Variants in HYDIN observed in about 807,000 individuals in gnomAD.
HYDIN encodes the protein HYDIN axonemal central pair apparatus protein.
In HYDIN, 132 loss-of-function variants were observed where a neutral mutation model predicts 403.9. The ratio of observed to expected loss-of-function variants is 0.33; its 90% CI spans 0.28 to 0.38. The LOEUF (loss-of-function observed/expected upper bound fraction) is 0.38. Ranked by LOEUF, HYDIN falls within the 10% of genes least tolerant of loss-of-function variation. The pLI is 1.00. For synonymous variants in HYDIN, 1,202 were observed against 1,891.7 expected, an observed-to-expected ratio of 0.64 and a Z score of 9.46; for missense variants, 2,827 against 5,009.5, an observed-to-expected ratio of 0.56 and a Z score of 13.15.
intron 12 of HYDIN, among the ~76,000 whole-genome samples, chr16:71,085,165 G>A (rs1374775726): frequency 1.5e-4 from 13 of 89,028 alleles, no homozygotes; most frequent in African/African-American, 6.0e-4. Flanking sequence ...AAGAGTTTGT[G>A]AAAGATTTAT....
chr16:70,982,450 A>T (rs1157947624), intron 28 of HYDIN, among the ~76,000 whole-genome samples: 3 of 150,432 alleles, frequency 2.0e-5, no homozygotes, highest in Non-Finnish European at 2.9e-5. Context: ...AGAAATGCCC[A>T]TTTATTTATT....
chr16:71,212,013 T>C (rs2088618366), intron 1 of HYDIN, among the ~76,000 whole-genome samples: 1 of 151,688 alleles, frequency 6.6e-6, no homozygotes, highest in South Asian at 2.1e-4. Context: ...AAAACAAAAA[T>C]CAACAACAAT....
chr16:70,874,847 T>C lies in HYDIN; in HGVS notation c.10630A>G (p.Ile3544Val), dbSNP rs757684545. 8 of 1,613,722 alleles carry C rather than the reference T, an allele frequency of 5.0e-6. No individual in the cohort carries two copies. Among genetic ancestry groups the C allele is most frequent in the Non-Finnish European group, 6.8e-6 (8 of 1,179,874 alleles). The change falls in exon 63 of 86, where the codon ATC becomes GTC. Residue 3544 changes from isoleucine (I) to valine (V), a missense_variant. Coordinates refer to ENST00000393567, the MANE Select transcript of HYDIN (RefSeq NM_001270974.2). ...KGRPTTAYIY[I>V]TEENKPHVKA... ...ACATGTGGTTTATTTTCCTCTGTGA[T>C]GTAGATATACGCGGTGGTGGGCCTC...
At position 70,981,452 on chromosome 16, in the gene HYDIN, G is replaced by A. The variant is rs1378393498; in HGVS notation, c.4449C>T (p.Ile1483=). 1.2e-6 allele frequency: 2 copies of A among 1,613,916 alleles called. No homozygotes were observed. The highest frequency in any genetic ancestry group is 4.5e-5 in the East Asian group (2 of 44,866). ...GAAAGATTCCCTCTCCGCTCAGAGT[G>A]ATATTTTCTGGGTCCAGGTGGGCGA... ...IQIAHLDPEN[I]TLSGEGIFPQ... is the part of the protein sequence containing the mutation. The change falls in exon 29 of 86, where the codon ATC becomes ATT. Residue 1483 remains isoleucine (I), a synonymous_variant. Transcript: ENST00000393567.
intron 52 of HYDIN, among the ~76,000 whole-genome samples, chr16:70,902,821 A>ATATATATATTTTTT: frequency 1.5e-4 from 7 of 47,312 alleles, no homozygotes; most frequent in African/African-American, 7.0e-4. Flanking sequence ...ATATATATAT[A>ATATATATATTTTTT]TTTTTTTTTT....
chr16:71,137,071 A>T (rs1219717001), intron 8 of HYDIN, 80 bp downstream of exon 8: 15 of 991,712 alleles, frequency 1.5e-5, no homozygotes, highest in Non-Finnish European at 2.3e-5. Context: ...GTAGTACAAA[A>T]TTCACTAATT....
At chr16:71,039,358 C>A (rs1340548023) in intron 18 of HYDIN, among the ~76,000 whole-genome samples, 1 of 152,148 alleles carries the variant, frequency 6.6e-6, no homozygotes, top group East Asian at 1.9e-4. Flanking sequence ...GGTACCCTCC[C>A]CAGTCTACAC....
At position 71,067,280 on chromosome 16, in the gene HYDIN, G is replaced by A; in HGVS notation, c.2075+10C>T. ...GCGACTCAGGAGAAGAGCAAGCTGG[G>A]GAGCAATACCTTGCTGTAATTAAGA... On this transcript the variant is annotated intron_variant, in intron 15 of 85. Coordinates refer to ENST00000393567, the MANE Select transcript of HYDIN (RefSeq NM_001270974.2). The A allele has an allele frequency of 5.1e-6, 8 of 1,582,928 alleles. No individual in the cohort carries two copies. The highest frequency in any genetic ancestry group is 6.9e-6 in the Non-Finnish European group (8 of 1,155,484).
chr16:70,907,688 TC>T (rs1270275357), intron 49 of HYDIN, among the ~76,000 whole-genome samples, 197 bp from the exon 50 acceptor site: 1 of 151,414 alleles, frequency 6.6e-6, no homozygotes, highest in East Asian at 1.9e-4. Flanking sequence ...AAAAAAAGAC[TC>T]CCAGTGGTGT....
chr16:70,842,093 T>C (rs1247887090), intron 75 of HYDIN, among the ~76,000 whole-genome samples: 2 of 150,832 alleles, frequency 1.3e-5, no homozygotes, highest in Non-Finnish European at 2.9e-5. Flanking sequence ...TTGAGGTATG[T>C]TTTATGGCCT....
At chr16:71,213,045 GA>G (rs1338979049) in intron 1 of HYDIN, among the ~76,000 whole-genome samples, 1 of 152,116 alleles carries the variant, frequency 6.6e-6, no homozygotes, top group Non-Finnish European at 1.5e-5. Context: ...CAAATGTAGT[GA>G]AAGGAAAAAC....
chr16:70,831,611 G>T (rs1176690005), intron 80 of HYDIN, among the ~76,000 whole-genome samples: 2 of 140,704 alleles, frequency 1.4e-5, no homozygotes, highest in African/African-American at 5.4e-5. Flanking sequence ...AGAGTGGTGT[G>T]CTGGAGCCAA....
rs139652714 is a variant in HYDIN, at chr16:70,995,212, T to G, written c.3645-3002A>C. 2.6e-5 allele frequency among the ~76,000 whole-genome samples: 4 copies of G among 152,336 alleles called. No homozygotes were observed. The East Asian group carries it at 7.7e-4, about 29-fold the overall frequency. ...TATTGAAATAGAACGCTGGTAGAGT[T>G]TTTTTGGATCAGATTTCCTTTTACC... On this transcript the variant is annotated intron_variant, in intron 23 of 85. Transcript: ENST00000393567.
intron 20 of HYDIN, among the ~76,000 whole-genome samples, chr16:71,026,711 G>A (rs1023354485): frequency 1.3e-5 from 2 of 152,196 alleles, no homozygotes; most frequent in East Asian, 1.9e-4. Flanking sequence ...CTGAGGATGC[G>A]TTTTACCTGA....
At chr16:71,005,637 A>G (rs1210514174) in intron 23 of HYDIN, among the ~76,000 whole-genome samples, 1 of 152,198 alleles carries the variant, frequency 6.6e-6, no homozygotes, top group Non-Finnish European at 1.5e-5. Flanking sequence ...AAATTTCAAC[A>G]TTGCTTTGTG....
intron 41 of HYDIN, among the ~76,000 whole-genome samples, chr16:70,947,738 C>A (rs895571386): frequency 2.6e-5 from 4 of 152,162 alleles, no homozygotes; most frequent in Non-Finnish European, 4.4e-5. Context: ...ACCTAGGAAT[C>A]CACCTTACAA....
At chr16:71,058,901 C>A (rs1434751786) in intron 18 of HYDIN, among the ~76,000 whole-genome samples, 1 of 152,020 alleles carries the variant, frequency 6.6e-6, no homozygotes, top group Admixed American at 6.6e-5. Context: ...GGATGAAGAT[C>A]TTTATGATGA....
rs748736751 is a variant in HYDIN, at chr16:70,832,884, C to T, written c.13863G>A (p.Leu4621=). The T allele has an allele frequency of 5.0e-6, 8 of 1,613,926 alleles. No individual in the cohort carries two copies. In the Admixed American group the frequency reaches 1.2e-4, roughly 24 times the overall value. ...CAGGTGGTCCCACGCAGACTCCAGA[C>T]AGGGTTAGACTCAGAGGACTGCCTC... ...IQGGSPLSLT[L]SGVCVGPPAV... Residue 4621 remains leucine, a synonymous_variant, in exon 80 of 86, where the codon CTG becomes CTA. Transcript: ENST00000393567.
At chr16:70,951,182 C>A (rs1174427878) in intron 41 of HYDIN, among the ~76,000 whole-genome samples, 3 of 151,044 alleles carry the variant, frequency 2.0e-5, no homozygotes, top group Non-Finnish European at 4.4e-5. Context: ...CCGCAGTGAA[C>A]AAAGACTGTG....
Sources: gnomAD v4.1 joint callset for allele counts (sites outside exome capture counted in the v4.1 genomes callset) on GRCh38, gnomAD v4.1.1 for gene constraint, MANE v1.5 for transcripts, NCBI Gene and HGNC (gene_info 2026-07-23, HGNC 2026-07-21) for gene names.